Variants in LAMC1 observed in about 807,000 individuals in gnomAD.
LAMC1 encodes laminin subunit gamma 1, also known as laminin subunit gamma-1.
In LAMC1, 38 loss-of-function variants were observed where a neutral mutation model predicts 173.6. That is an observed-to-expected ratio of 0.22 (90% CI 0.17 to 0.29). The LOEUF (loss-of-function observed/expected upper bound fraction) is 0.29. Ranked by LOEUF, LAMC1 falls within the 10% of genes least tolerant of loss-of-function variation. The pLI is 1.00. For missense variants in LAMC1, 1,824 were observed against 2,051.8 expected, an observed-to-expected ratio of 0.89 and a Z score of 2.14; for synonymous variants, 746 against 749.1, an observed-to-expected ratio of 1.00 and a Z score of 0.07.
At chr1:183,104,969 G>A (rs1338114359) in intron 2 of LAMC1, among the ~76,000 whole-genome samples, 1 of 151,768 alleles carries the variant, frequency 6.6e-6, no homozygotes, top group Admixed American at 6.6e-5. Flanking sequence ...AGCACTTTGG[G>A]AGGCGGAGGC....
rs941560145 is a variant in LAMC1, at chr1:183,109,328, T to C, written c.854+922T>C. Among the ~76,000 whole-genome samples, 5 of 152,112 alleles carry C rather than the reference T, an allele frequency of 3.3e-5. No individual in the cohort carries two copies. In the East Asian group the frequency reaches 5.8e-4, roughly 18 times the overall value. ...ATGTGCAAACAGGGTAAAAATAGTA[T>C]ACAATTGAGGGAATTTATATTCCTG... On this transcript the variant is annotated intron_variant, in intron 3 of 27. Coordinates refer to ENST00000258341, the MANE Select transcript of LAMC1 (RefSeq NM_002293.4).
chr1:183,025,258 T>C (rs1173823542), intron 1 of LAMC1, among the ~76,000 whole-genome samples: 3 of 152,182 alleles, frequency 2.0e-5, no homozygotes, highest in Non-Finnish European at 4.4e-5. Context: ...AATGGTTCTT[T>C]TGATCATGAT....
At chr1:183,049,308 G>T (rs1232617580) in intron 1 of LAMC1, among the ~76,000 whole-genome samples, 1 of 152,186 alleles carries the variant, frequency 6.6e-6, no homozygotes, top group Non-Finnish European at 1.5e-5. Context: ...TACAGTATTA[G>T]AATAAGTTGT....
intron 1 of LAMC1, among the ~76,000 whole-genome samples, chr1:183,053,951 A>C (rs1198941538): frequency 6.6e-6 from 1 of 152,088 alleles, no homozygotes. Flanking sequence ...TATTGGGAAA[A>C]AGTGTTAAGA....
chr1:183,033,919 G>A (rs894950141), intron 1 of LAMC1, among the ~76,000 whole-genome samples: 20 of 151,850 alleles, frequency 1.3e-4, no homozygotes, highest in African/African-American at 4.8e-4. Flanking sequence ...GGCTGGTCTC[G>A]AACTCCTGAC....
rs144220117 is a variant in LAMC1, at chr1:183,059,021, A to G, written c.418+34887A>G. ...CAGAAGATTTTCTTGCAAGATGACT[A>G]TGATATGACAGGCTCTGTTTTTGTT... On this transcript the variant is annotated intron_variant, in intron 1 of 27. Coordinates refer to ENST00000258341, the MANE Select transcript of LAMC1 (RefSeq NM_002293.4). 3.9e-5 allele frequency among the ~76,000 whole-genome samples: 6 copies of G among 152,340 alleles called. No homozygotes were observed. In the East Asian group the frequency reaches 1.2e-3, roughly 29 times the overall value.
At chr1:183,036,846 G>T (rs531164876) in intron 1 of LAMC1, among the ~76,000 whole-genome samples, 16 of 152,204 alleles carry the variant, frequency 1.1e-4, no homozygotes, top group Admixed American at 2.6e-4. Context: ...CACGATCTTG[G>T]CTCACTGCAA....
chr1:183,116,920 C>T lies in LAMC1; in HGVS notation c.1564+17C>T. On this transcript the variant is annotated intron_variant, in intron 8 of 27. Transcript: ENST00000258341. The stretch of plus-strand genomic sequence containing the variant: ...TTCAGATTGGTAATTTAGACCTCAT[C>T]CCCCAACCTGTTAGAACTGTGAGAT... 1 of 1,606,852 alleles carries T rather than the reference C, an allele frequency of 6.2e-7. No homozygotes were observed. The highest frequency in any genetic ancestry group is 8.5e-7 in the Non-Finnish European group (1 of 1,174,774).
chr1:183,034,931 A>G (rs1434175533), intron 1 of LAMC1, among the ~76,000 whole-genome samples: 1 of 152,104 alleles, frequency 6.6e-6, no homozygotes, highest in Non-Finnish European at 1.5e-5. Flanking sequence ...ATGACTAGTG[A>G]CTTTTCTGAG....
chr1:183,045,327 A>G (rs1045502066), intron 1 of LAMC1, among the ~76,000 whole-genome samples: 41 of 152,020 alleles, frequency 2.7e-4, no homozygotes, highest in African/African-American at 6.7e-4. Flanking sequence ...ATTTCTTCCA[A>G]TTTTCCTCAC....
intron 2 of LAMC1, among the ~76,000 whole-genome samples, chr1:183,107,784 C>A (rs991801053): frequency 1.3e-5 from 2 of 151,902 alleles, no homozygotes; most frequent in Non-Finnish European, 2.9e-5. Flanking sequence ...GAGCTGAGAT[C>A]ACGCCACTGC....
chr1:183,140,446 G>T lies in LAMC1; in HGVS notation c.4516G>T (p.Ala1506Ser), dbSNP rs775587732. 6.2e-6 allele frequency: 10 copies of T among 1,613,462 alleles called. No individual in the cohort carries two copies. The African/African-American group carries it at 1.3e-4, about 22-fold the overall frequency. ...AGAAGCCGAGATCAATGCCAGAAAA[G>T]CCAAAAACTCTGTTACTAGCCTCCT... is the stretch of plus-strand genomic sequence containing the variant. ...AQEAEINARK[A>S]KNSVTSLLSI... The change falls in exon 27 of 28, where the codon GCC (alanine) becomes TCC (serine). Residue 1506 changes from alanine to serine, a missense_variant. Ala to Ser is a moderately conservative substitution (Grantham distance 99). Coordinates refer to ENST00000258341, the MANE Select transcript of LAMC1 (RefSeq NM_002293.4).
rs10911256 is a variant in LAMC1, at chr1:183,128,471, A to T, written c.3124-123A>T. The stretch of plus-strand genomic sequence containing the variant: ...TAAAACTTAAAGTATAATAATAATT[A>T]AAAAAAAAAAAAAAGAACTACATAT... On this transcript the variant is annotated intron_variant, in intron 17 of 27. Transcript: ENST00000258341. The T allele has an allele frequency of 2.8e-3, 99 of 35,738 alleles. 1 individual carries two copies. The highest frequency in any genetic ancestry group is 0.024 in the East Asian group (24 of 1,012). 2.2% of individuals were successfully genotyped at this position (35,738 alleles called of 1,614,324 possible).
chr1:183,116,518 C>A, intron 6 of LAMC1, 59 bp from the exon 7 acceptor site: 1 of 1,176,746 alleles, frequency 8.5e-7, no homozygotes, highest in Non-Finnish European at 1.2e-6. Flanking sequence ...AAAGGGCTGA[C>A]TTGAAGAGTG....
chr1:183,087,398 C>T (rs1036369975), intron 1 of LAMC1, among the ~76,000 whole-genome samples: 2 of 152,134 alleles, frequency 1.3e-5, no homozygotes, highest in African/African-American at 4.8e-5. Flanking sequence ...CCCTCAAAAT[C>T]TTACGTTCTT....
chr1:183,026,689 T>C (rs1451560169), intron 1 of LAMC1, among the ~76,000 whole-genome samples: 1 of 152,248 alleles, frequency 6.6e-6, no homozygotes, highest in Admixed American at 6.5e-5. Context: ...CATGTGAAGC[T>C]AGAAATGAGT....
chr1:183,039,399 C>T (rs758557746), intron 1 of LAMC1, among the ~76,000 whole-genome samples: 56 of 152,100 alleles, frequency 3.7e-4, no homozygotes, highest in African/African-American at 1.3e-3. Flanking sequence ...TCGGAGCAGT[C>T]CATACATAGT....
chr1:183,110,367 C>T (rs903089740), intron 3 of LAMC1, 121 bp from the exon 4 acceptor site: 5 of 680,716 alleles, frequency 7.3e-6, no homozygotes, highest in Non-Finnish European at 1.2e-5. Flanking sequence ...TAATCTTGCT[C>T]AGTTCCCCAG....
At chr1:183,127,507 G>C in intron 17 of LAMC1, 103 bp downstream of exon 17, 2 of 971,086 alleles carry the variant, frequency 2.1e-6, no homozygotes, top group South Asian at 3.3e-5. Context: ...AGGTAGATGT[G>C]GTCCCTGTTC....
Sources: allele counts gnomAD v4.1 joint callset (sites outside exome capture counted in the v4.1 genomes callset), GRCh38; gene constraint gnomAD v4.1.1; transcripts MANE v1.5; gene names NCBI Gene and HGNC (gene_info 2026-07-23, HGNC 2026-07-21).